ATG5: variants seen among roughly 807,000 people sequenced by gnomAD.
ATG5 encodes autophagy related 5.
A neutral mutation model predicts 36.5 loss-of-function variants in ATG5; 14 were observed. The observed-to-expected ratio is 0.38, with a 90% CI of 0.25 to 0.60. The LOEUF (loss-of-function observed/expected upper bound fraction) is 0.60, where lower values mean the gene tolerates loss of function less well. Among genes scored for constraint, ATG5 ranks in the 20% least tolerant of loss-of-function variants. The pLI, the probability that ATG5 is intolerant of heterozygous loss-of-function variation, is 0.60. For synonymous variants in ATG5, 95 were observed against 101.5 expected (o/e 0.94, Z 0.38); for missense variants, 195 against 326.7 (o/e 0.60, Z 3.11).
At chr6:106,228,813 G>C (rs1777548944) in intron 6 of ATG5, among the ~76,000 whole-genome samples, 3 of 152,168 alleles carry the variant, frequency 2.0e-5, no homozygotes, top group Admixed American at 2.0e-4. Context: ...TTAGACTCAG[G>C]TATGAGGCTA....
At chr6:106,211,035 T>A (rs1299009251) in intron 6 of ATG5, among the ~76,000 whole-genome samples, 1 of 152,224 alleles carries the variant, frequency 6.6e-6, no homozygotes, top group Non-Finnish European at 1.5e-5. Flanking sequence ...TTTTGTTGTT[T>A]TGGTCATACA....
intron 6 of ATG5, among the ~76,000 whole-genome samples, chr6:106,226,737 G>T (rs1264707048): frequency 6.6e-6 from 1 of 152,092 alleles, no homozygotes; most frequent in Non-Finnish European, 1.5e-5. Flanking sequence ...GTTGTTGCAT[G>T]TATCATTCCC....
intron 5 of ATG5, among the ~76,000 whole-genome samples, chr6:106,257,681 C>CA (rs1382804855): frequency 1.3e-5 from 2 of 152,194 alleles, no homozygotes; most frequent in African/African-American, 4.8e-5. Flanking sequence ...TGTGAGGAAT[C>CA]ACTCTAGGCC....
At chr6:106,278,871 C>T (rs532022112) in intron 5 of ATG5, among the ~76,000 whole-genome samples, 8 of 152,232 alleles carry the variant, frequency 5.3e-5, no homozygotes, top group East Asian at 1.9e-4. Context: ...AATTTATCAC[C>T]GATCATAAGC....
At chr6:106,277,664 A>AT (rs1179287268) in intron 5 of ATG5, among the ~76,000 whole-genome samples, 1 of 152,208 alleles carries the variant, frequency 6.6e-6, no homozygotes, top group Non-Finnish European at 1.5e-5. Context: ...AAAACACAAA[A>AT]TTAGCTGTGC....
intron 5 of ATG5, among the ~76,000 whole-genome samples, chr6:106,253,574 T>C (rs905860784): frequency 6.6e-6 from 1 of 152,146 alleles, no homozygotes; most frequent in Admixed American, 6.5e-5. Context: ...GTAATCAATA[T>C]ATATTTAGAC....
chr6:106,230,592 A>G (rs547652519), intron 6 of ATG5, among the ~76,000 whole-genome samples: 4 of 152,266 alleles, frequency 2.6e-5, no homozygotes, highest in African/African-American at 9.6e-5. Context: ...ACCATAGAGG[A>G]CGCTCTAGGA....
chr6:106,234,057 C>T (rs865778023), intron 6 of ATG5, among the ~76,000 whole-genome samples: 8 of 152,236 alleles, frequency 5.3e-5, no homozygotes, highest in Middle Eastern at 3.4e-3. Context: ...CCTAGTTGTC[C>T]TGGAAGACTT....
rs190109473 is a variant in ATG5, at chr6:106,248,099, A to G, written c.573+51T>C. 300 of 1,392,240 alleles carry G rather than the reference A, an allele frequency of 2.2e-4. 2 individuals carry two copies. In the African/African-American group the frequency reaches 4.0e-3, roughly 19 times the overall value. 86.2% of individuals were successfully genotyped at this position (1,392,240 alleles called of 1,614,324 possible). ...GTTCTACACTAGAGTGCTTCAATTA[A>G]GATGTCTGAGGCTTTCATAAATGGA... On this transcript the variant is annotated intron_variant, in intron 6 of 7. Transcript: ENST00000369076.
At chr6:106,236,049 C>G (rs137918146) in intron 6 of ATG5, among the ~76,000 whole-genome samples, 2 of 152,240 alleles carry the variant, frequency 1.3e-5, no homozygotes, top group Admixed American at 1.3e-4. Flanking sequence ...TTTTTTGTCA[C>G]TACATATTAG....
chr6:106,280,599 G>C (rs758811351), intron 4 of ATG5, among the ~76,000 whole-genome samples: 4 of 151,962 alleles, frequency 2.6e-5, no homozygotes, highest in Non-Finnish European at 4.4e-5. Context: ...TAGGGAGTTA[G>C]GTAAATGAGA....
At chr6:106,271,134 T>C (rs961490532) in intron 5 of ATG5, among the ~76,000 whole-genome samples, 8 of 152,246 alleles carry the variant, frequency 5.3e-5, no homozygotes, top group African/African-American at 1.9e-4. Context: ...TTCCTTGGCC[T>C]ACAAGGCCTT....
chr6:106,268,703 A>T (rs1779321427), intron 5 of ATG5, among the ~76,000 whole-genome samples: 1 of 152,234 alleles, frequency 6.6e-6, no homozygotes, highest in Admixed American at 6.5e-5. Flanking sequence ...GCCATAAAAA[A>T]GAATGATTTT....
chr6:106,303,653 A>G (rs1770302084), intron 3 of ATG5, among the ~76,000 whole-genome samples: 9 of 152,132 alleles, frequency 5.9e-5, no homozygotes. Context: ...AAAATCCTCA[A>G]CGAAATATTA....
At chr6:106,290,637 T>G (rs1780268030) in intron 4 of ATG5, among the ~76,000 whole-genome samples, 1 of 152,194 alleles carries the variant, frequency 6.6e-6, no homozygotes, top group Non-Finnish European at 1.5e-5. Context: ...AATAATAATG[T>G]GGAATCTGAA....
intron 5 of ATG5, among the ~76,000 whole-genome samples, chr6:106,267,457 T>C (rs1188232059): frequency 3.3e-5 from 5 of 152,164 alleles, no homozygotes; most frequent in Non-Finnish European, 5.9e-5. Flanking sequence ...CAAGCTACCA[T>C]TGACTTTCTT....
intron 4 of ATG5, among the ~76,000 whole-genome samples, chr6:106,286,319 C>T (rs1233067394): frequency 6.6e-6 from 1 of 151,032 alleles, no homozygotes; most frequent in Non-Finnish European, 1.5e-5. Flanking sequence ...TGGGGCTCAC[C>T]TTGTTTGTTC....
At chr6:106,310,520 A>G (rs563110914) in intron 2 of ATG5, among the ~76,000 whole-genome samples, 13 of 152,084 alleles carry the variant, frequency 8.5e-5, no homozygotes, top group Non-Finnish European at 1.8e-4. Flanking sequence ...TGTTTTTCTT[A>G]GGTGTATTTC....
intron 4 of ATG5, among the ~76,000 whole-genome samples, chr6:106,281,768 T>A (rs894689672): frequency 3.3e-5 from 5 of 152,240 alleles, no homozygotes; most frequent in Non-Finnish European, 7.3e-5. Context: ...TTTTTCAACA[T>A]GATGTACAAT....
Sources: gnomAD v4.1 joint callset for allele counts (sites outside exome capture counted in the v4.1 genomes callset) on GRCh38, gnomAD v4.1.1 for gene constraint, MANE v1.5 for transcripts, NCBI Gene and HGNC (gene_info 2026-07-23, HGNC 2026-07-21) for gene names.